FZD3: variants seen among roughly 807,000 people sequenced by gnomAD.
FZD3 encodes frizzled class receptor 3.
A neutral mutation model predicts 60.7 loss-of-function variants in FZD3; 30 were observed. The ratio of observed to expected loss-of-function variants is 0.49; its 90% CI spans 0.37 to 0.67. FZD3 has a LOEUF of 0.67. Among genes scored for constraint, FZD3 ranks in the 30% least tolerant of loss-of-function variants. FZD3 has a pLI of 0.00. For synonymous variants in FZD3, 246 were observed against 275.2 expected (o/e 0.89, Z 1.05); for missense variants, 605 against 838.7 (o/e 0.72, Z 3.44).
intron 3 of FZD3, among the ~76,000 whole-genome samples, chr8:28,510,071 C>G (rs1439220679): frequency 1.3e-5 from 2 of 152,048 alleles, no homozygotes; most frequent in Non-Finnish European, 2.9e-5. Flanking sequence ...ATTCCAATTT[C>G]TCCACATCTT....
In FZD3 at chr8:28,572,345, C is replaced by T. The variant is rs903394291; in HGVS notation, c.*9334C>T. 1.3e-5 allele frequency: 2 copies of T among 152,122 alleles called. No individual in the cohort carries two copies. Among genetic ancestry groups the T allele is most frequent in the African/African-American group, 4.8e-5 (2 of 41,420 alleles). 9.4% of individuals were successfully genotyped at this position (152,122 alleles called of 1,614,324 possible). A position where few individuals can be genotyped will look rare whatever the true frequency, so the allele number is the denominator to read the frequency against. ...AGAATAGGTATGTTAACTTCTCATC[C>T]TAACCCTATCAATATATCAGAGGCT... On this transcript the variant is annotated 3_prime_UTR_variant, in exon 8 of 8. Transcript: ENST00000240093.
intron 6 of FZD3, among the ~76,000 whole-genome samples, chr8:28,553,423 T>C (rs1480751703): frequency 6.6e-6 from 1 of 152,214 alleles, no homozygotes; most frequent in Non-Finnish European, 1.5e-5. Context: ...TGGAAAACTG[T>C]ATTGTAATCA....
chr8:28,569,468 A>G lies in FZD3; in HGVS notation c.*6457A>G, dbSNP rs1585200790. The G allele has an allele frequency of 6.6e-6, 1 of 151,954 alleles. No homozygotes were observed. Among genetic ancestry groups the G allele is most frequent in the Admixed American group, 6.6e-5 (1 of 15,258 alleles). The allele number at this position is 151,954 out of a possible 1,614,324, so 9.4% of individuals were successfully genotyped here. A position where few individuals can be genotyped will look rare whatever the true frequency, so the allele number is the denominator to read the frequency against. ...AAGAGAATTAGTTTAGGTAGCGTCTAAAATTCCGCCCAGCTCTCATTTGGT... is the reference window on the plus strand; with the variant it reads ...AAGAGAATTAGTTTAGGTAGCGTCTGAAATTCCGCCCAGCTCTCATTTGGT... On this transcript the variant is annotated 3_prime_UTR_variant, in exon 8 of 8. Transcript: ENST00000240093.
Position 28,502,966 on chromosome 8 carries a change from C to T in FZD3, c.-48C>T. ...TGCAGGTGTATAAATATCTAAAATACATATTGAATAGGCCTGATCATCTGA... is the reference window on the plus strand; with the variant it reads ...TGCAGGTGTATAAATATCTAAAATATATATTGAATAGGCCTGATCATCTGA... On this transcript the variant is annotated 5_prime_UTR_variant, in exon 3 of 8. Transcript: ENST00000240093. The T allele has an allele frequency of 8.0e-7, 1 of 1,246,454 alleles. No individual in the cohort carries two copies. Among genetic ancestry groups the T allele is most frequent in the Non-Finnish European group, 1.1e-6 (1 of 870,846 alleles). 77.2% of individuals were successfully genotyped at this position (1,246,454 alleles called of 1,614,324 possible). A position where few individuals can be genotyped will look rare whatever the true frequency, so the allele number is the denominator to read the frequency against.
At chr8:28,497,001 A>G (rs543611423) in intron 1 of FZD3, among the ~76,000 whole-genome samples, 2 of 152,352 alleles carry the variant, frequency 1.3e-5, no homozygotes, top group East Asian at 1.9e-4. Flanking sequence ...TCCAGAATCT[A>G]TCTGTCTCTT....
chr8:28,541,239 T>C (rs1805159226), intron 5 of FZD3, among the ~76,000 whole-genome samples: 1 of 152,258 alleles, frequency 6.6e-6, no homozygotes. Context: ...TCCAACACTC[T>C]GCCTGTGGCA....
chr8:28,506,898 A>G (rs1309622619), intron 3 of FZD3, among the ~76,000 whole-genome samples: 1 of 152,222 alleles, frequency 6.6e-6, no homozygotes, highest in African/African-American at 2.4e-5. Context: ...ATAGAATAAT[A>G]TAATGAAGTG....
intron 1 of FZD3, among the ~76,000 whole-genome samples, chr8:28,496,331 T>C (rs1254702190): frequency 6.6e-6 from 1 of 152,200 alleles, no homozygotes; most frequent in Admixed American, 6.5e-5. Context: ...AGTTTGTTGA[T>C]GTTAAGCTGC....
intron 3 of FZD3, among the ~76,000 whole-genome samples, chr8:28,510,355 G>A (rs1193895972): frequency 6.6e-6 from 1 of 152,184 alleles, no homozygotes; most frequent in East Asian, 1.9e-4. Context: ...ATAAATGTAT[G>A]TGTTACTTTC....
At chr8:28,559,861 C>T (rs1805583428) in intron 7 of FZD3, among the ~76,000 whole-genome samples, 1 of 152,172 alleles carries the variant, frequency 6.6e-6, no homozygotes, top group South Asian at 2.1e-4. Flanking sequence ...ACCCACTTCC[C>T]AATACTCACT....
intron 4 of FZD3, among the ~76,000 whole-genome samples, chr8:28,523,400 A>G (rs1804635583): frequency 6.6e-6 from 1 of 152,110 alleles, no homozygotes; most frequent in Non-Finnish European, 1.5e-5. Flanking sequence ...TTATAGGGAC[A>G]TTAATCCTTT....
rs1248402492 is a variant in FZD3, at chr8:28,527,861, T to C, written c.1101T>C (p.Asp367=). 5 of 1,613,946 alleles carry C rather than the reference T, an allele frequency of 3.1e-6. No individual in the cohort carries two copies. The African/African-American group carries it at 4.0e-5, about 13-fold the overall frequency. ...ISGVCFVGLY[D]VDALRYFVLA... ...GCGTGTGTTTTGTTGGCCTCTACGA[T>C]GTTGATGCATTGAGATATTTTGTTC... The change falls in exon 5 of 8, where the codon GAT becomes GAC. Residue 367 remains aspartate, a synonymous_variant. Transcript: ENST00000240093. This position sits in a 1 kb window ranked among gnomAD's most constrained non-coding sequence, Gnocchi z 5.0.
At position 28,566,830 on chromosome 8, in the gene FZD3, TG is replaced by T. The variant is rs1412500494; in HGVS notation, c.*3822del. On this transcript the variant is annotated 3_prime_UTR_variant, in exon 8 of 8. Coordinates refer to ENST00000240093, the MANE Select transcript of FZD3 (RefSeq NM_017412.4). ...GAATTTTAAGACTCATGATGTCAAC[TG>T]GGCTGGTCATTTTATTTCTCTGAGT... 6.6e-6 allele frequency: 1 copy of T among 152,198 alleles called. No homozygotes were observed. The highest frequency in any genetic ancestry group is 2.4e-5 in the African/African-American group (1 of 41,454). 9.4% of individuals were successfully genotyped at this position (152,198 alleles called of 1,614,324 possible).
chr8:28,561,181 C>T (rs895946761), intron 7 of FZD3, among the ~76,000 whole-genome samples: 3 of 152,038 alleles, frequency 2.0e-5, no homozygotes, highest in South Asian at 2.1e-4. Flanking sequence ...CTTAGCCTCC[C>T]GAGTAGCTGG....
rs375791424 is a variant in FZD3, at chr8:28,505,994, G to A, written c.189+2792G>A. ...CGTTTTTCTAAGTTGTTAACTTGAC[G>A]TTCTCTTTTCCCCTGTGTATGAGTA... On this transcript the variant is annotated intron_variant, in intron 3 of 7. Coordinates refer to ENST00000240093, the MANE Select transcript of FZD3 (RefSeq NM_017412.4). Among the ~76,000 whole-genome samples, 45 of 152,264 alleles carry A rather than the reference G, an allele frequency of 3.0e-4. 1 individual carries two copies. The highest frequency in any genetic ancestry group is 1.9e-3 in the East Asian group (10 of 5,190).
chr8:28,501,195 A>G (rs1203926453), intron 2 of FZD3, among the ~76,000 whole-genome samples: 1 of 152,136 alleles, frequency 6.6e-6, no homozygotes, highest in Non-Finnish European at 1.5e-5. Flanking sequence ...GTTTGCTTTT[A>G]CCTTAGTTTC....
chr8:28,496,810 A>T (rs1437709043), intron 1 of FZD3, among the ~76,000 whole-genome samples: 3 of 152,220 alleles, frequency 2.0e-5, no homozygotes, highest in Non-Finnish European at 4.4e-5. Context: ...TAACTAGGCT[A>T]TTGGGCCTGA....
chr8:28,539,614 T>A (rs1471843725), intron 5 of FZD3, among the ~76,000 whole-genome samples: 7 of 152,212 alleles, frequency 4.6e-5, no homozygotes, highest in African/African-American at 7.2e-5. Context: ...TATGACAGAC[T>A]CTGTATGAAC....
At chr8:28,521,582 A>G (rs1408340946) in intron 4 of FZD3, among the ~76,000 whole-genome samples, 1 of 152,140 alleles carries the variant, frequency 6.6e-6, no homozygotes, top group African/African-American at 2.4e-5. Context: ...TTCCCTTGTT[A>G]TCCCTCTTGA....
Sources: allele counts gnomAD v4.1 joint callset (sites outside exome capture counted in the v4.1 genomes callset), GRCh38; gene constraint gnomAD v4.1.1; non-coding constraint Gnocchi (gnomAD v3.1); transcripts MANE v1.5; gene names NCBI Gene and HGNC (gene_info 2026-07-23, HGNC 2026-07-21).